The following ADAMTS12 variants were observed in gnomAD, a reference collection of about 807,000 sequenced individuals.
The protein encoded by ADAMTS12 is ADAM metallopeptidase with thrombospondin type 1 motif 12.
Under a neutral mutation model 167.8 loss-of-function variants are expected in ADAMTS12, and 118 were observed. The observed-to-expected ratio is 0.70, with a 90% confidence interval of 0.61 to 0.82. The LOEUF (loss-of-function observed/expected upper bound fraction) is 0.82, where lower values mean the gene tolerates loss of function less well. Ranked by LOEUF, ADAMTS12 falls within the 40% of genes least tolerant of loss-of-function variation. The probability of loss-of-function intolerance (pLI) is 0.00; values close to 1 mark genes in which losing one functional copy is unlikely to be tolerated. For missense variants in ADAMTS12, 1,916 were observed against 1,998.8 expected (o/e 0.96, Z 0.79); for synonymous variants, 704 against 716.9 (o/e 0.98, Z 0.29).
chr5:33,529,056 GA>G (rs915721095), intron 23 of ADAMTS12, among the ~76,000 whole-genome samples: 1 of 151,730 alleles, frequency 6.6e-6, no homozygotes, highest in Admixed American at 6.6e-5. Flanking sequence ...AAAAAAAGAA[GA>G]AAAAAAATAA....
intron 22 of ADAMTS12, among the ~76,000 whole-genome samples, chr5:33,535,837 T>TGCAGAGAATGTGGAATGGGG (rs1744375050): frequency 6.6e-6 from 1 of 151,996 alleles, no homozygotes; most frequent in Non-Finnish European, 1.5e-5. Flanking sequence ...CCCAGTGGCA[T>TGCAGAGAATGTGGAATGGGG]GCAGAGAATG....
At chr5:33,670,257 T>C (rs1741624591) in intron 5 of ADAMTS12, among the ~76,000 whole-genome samples, 1 of 152,128 alleles carries the variant, frequency 6.6e-6, no homozygotes, top group African/African-American at 2.4e-5. Flanking sequence ...TCAACATTAC[T>C]AGCTATCAGG....
rs183328797 is a variant in ADAMTS12, at chr5:33,527,862, G to T, written c.4607-496C>A. Among the ~76,000 whole-genome samples the T allele has an allele frequency of 7.9e-5, 12 of 152,278 alleles. No homozygotes were observed. The East Asian group carries it at 2.1e-3, about 27-fold the overall frequency. ...GACTCAACCTACAGTTAGCAGCCAA[G>T]GTCAACCAAAGCCAAGCTCAATCAT... On this transcript the variant is annotated intron_variant, in intron 23 of 23. Transcript: ENST00000504830.
chr5:33,733,977 T>A (rs1015333740), intron 3 of ADAMTS12, among the ~76,000 whole-genome samples: 9 of 148,888 alleles, frequency 6.0e-5, no homozygotes, highest in African/African-American at 2.2e-4. Context: ...CCATCTGATG[T>A]CAAAGCCTAC....
intron 18 of ADAMTS12, among the ~76,000 whole-genome samples, chr5:33,586,327 T>A (rs1747350575): frequency 6.6e-6 from 1 of 152,202 alleles, no homozygotes; most frequent in African/African-American, 2.4e-5. Context: ...GGAAGACCCA[T>A]TTGATGAATA....
chr5:33,849,167 G>T (rs1749084322), intron 2 of ADAMTS12, among the ~76,000 whole-genome samples: 3 of 80,584 alleles, frequency 3.7e-5, no homozygotes, highest in Non-Finnish European at 4.9e-5. Flanking sequence ...TATATGTATT[G>T]CATAGCAATA....
At chr5:33,578,839 G>A (rs149761378) in intron 18 of ADAMTS12, among the ~76,000 whole-genome samples, 11 of 152,120 alleles carry the variant, frequency 7.2e-5, no homozygotes, top group East Asian at 1.9e-4. Context: ...AAGGAGTGTC[G>A]AACTGTGTTT....
At chr5:33,541,560 A>G (rs1301730616) in intron 22 of ADAMTS12, among the ~76,000 whole-genome samples, 1 of 152,220 alleles carries the variant, frequency 6.6e-6, no homozygotes, top group African/African-American at 2.4e-5. Flanking sequence ...AAATGAAGGA[A>G]AAAATGTTAA....
chr5:33,699,770 A>G (rs1742935198), intron 3 of ADAMTS12, among the ~76,000 whole-genome samples: 1 of 152,220 alleles, frequency 6.6e-6, no homozygotes, highest in South Asian at 2.1e-4. Flanking sequence ...GAGGAGAATG[A>G]AAAGACAAAC....
At chr5:33,837,696 A>G (rs573743923) in intron 2 of ADAMTS12, among the ~76,000 whole-genome samples, 107 of 152,300 alleles carry the variant, frequency 7.0e-4, no homozygotes, top group Admixed American at 1.3e-3. Flanking sequence ...GCTTAAGACG[A>G]TATGTGGAAT....
chr5:33,554,066 A>T (rs750371333), intron 20 of ADAMTS12, among the ~76,000 whole-genome samples: 5 of 152,366 alleles, frequency 3.3e-5, no homozygotes, highest in Middle Eastern at 3.4e-3. Context: ...ATTATATGCC[A>T]TAGTTGTCTA....
At chr5:33,781,266 T>C (rs915175164) in intron 2 of ADAMTS12, among the ~76,000 whole-genome samples, 4 of 152,134 alleles carry the variant, frequency 2.6e-5, no homozygotes, top group African/African-American at 9.7e-5. Context: ...TGTGTATATA[T>C]ATATATGTAT....
chr5:33,639,960 T>C (rs1561188465), intron 11 of ADAMTS12, among the ~76,000 whole-genome samples: 2 of 152,178 alleles, frequency 1.3e-5, no homozygotes, highest in African/African-American at 2.4e-5. Flanking sequence ...GAATTGTCCT[T>C]GTTATTTAAG....
Position 33,648,980 on chromosome 5 carries a change from A to C in ADAMTS12, c.1335-14T>G. On this transcript the variant is annotated splice_polypyrimidine_tract_variant and intron_variant, in intron 8 of 23. Coordinates refer to ENST00000504830, the MANE Select transcript of ADAMTS12 (RefSeq NM_030955.4). ...CCCCAGCCTCGGCTGAAAACAAGTT[A>C]ACAGAAATGAGAGGAGTTGTTTAGG... 6.2e-7 allele frequency: 1 copy of C among 1,612,920 alleles called. No individual in the cohort carries two copies. The highest frequency in any genetic ancestry group is 8.5e-7 in the Non-Finnish European group (1 of 1,179,278).
chr5:33,638,858 G>A (rs1185490363), intron 11 of ADAMTS12, among the ~76,000 whole-genome samples: 1 of 152,118 alleles, frequency 6.6e-6, no homozygotes, highest in African/African-American at 2.4e-5. Context: ...GGGCATACCA[G>A]CCTTCCTGTC....
chr5:33,731,430 T>C (rs1744192613), intron 3 of ADAMTS12, among the ~76,000 whole-genome samples: 1 of 152,214 alleles, frequency 6.6e-6, no homozygotes, highest in East Asian at 1.9e-4. Context: ...TCCTGCTGCC[T>C]CATCATGGCA....
chr5:33,533,838 C>G (rs902338932), intron 23 of ADAMTS12, among the ~76,000 whole-genome samples: 1 of 152,172 alleles, frequency 6.6e-6, no homozygotes, highest in African/African-American at 2.4e-5. Flanking sequence ...ACTATCTTCC[C>G]TCTTTCCCAA....
chr5:33,868,804 A>G (rs187200018), intron 2 of ADAMTS12, among the ~76,000 whole-genome samples: 1 of 152,334 alleles, frequency 6.6e-6, no homozygotes, highest in Non-Finnish European at 1.5e-5. Context: ...CTCATCAGCT[A>G]TCATTAGTGT....
chr5:33,637,494 G>A (rs1166702454), intron 12 of ADAMTS12, 83 bp downstream of exon 12: 57 of 1,412,432 alleles, frequency 4.0e-5, no homozygotes, highest in Middle Eastern at 1.8e-4. Context: ...GCTTTGTGTG[G>A]ATCACAGAAA....
Sources: gnomAD v4.1 joint callset for allele counts (sites outside exome capture counted in the v4.1 genomes callset) on GRCh38, gnomAD v4.1.1 for gene constraint, MANE v1.5 for transcripts, NCBI Gene and HGNC (gene_info 2026-07-23, HGNC 2026-07-21) for gene names.